Variants in TLN2 observed in about 807,000 individuals in gnomAD.
TLN2 encodes the protein talin 2, also known as talin-2.
In TLN2, 118 loss-of-function variants were observed where a neutral mutation model predicts 294.7. The ratio of observed to expected loss-of-function variants is 0.40; its 90% CI spans 0.34 to 0.47. TLN2 has a LOEUF of 0.47. Among genes scored for constraint, TLN2 ranks in the 20% least tolerant of loss-of-function variants. The pLI is 0.84. For synonymous variants in TLN2, 1,431 were observed against 1,304.5 expected (o/e 1.10, Z -2.09); for missense variants, 3,083 against 3,282.2 (o/e 0.94, Z 1.48).
chr15:62,793,246 A>G (rs1013696684), intron 46 of TLN2, among the ~76,000 whole-genome samples: 3 of 152,200 alleles, frequency 2.0e-5, no homozygotes, highest in African/African-American at 7.2e-5. Context: ...CAGATGAGAC[A>G]GTGAAGTGGG....
chr15:62,409,878 T>C (rs1372143649), intron 1 of TLN2, among the ~76,000 whole-genome samples: 6 of 152,228 alleles, frequency 3.9e-5, no homozygotes. Flanking sequence ...AAATGAATTT[T>C]TTCCCCCTAA....
intron 1 of TLN2, among the ~76,000 whole-genome samples, chr15:62,565,012 TC>T (rs1468468449): frequency 6.6e-6 from 1 of 151,320 alleles, no homozygotes; most frequent in East Asian, 1.9e-4. Flanking sequence ...CCTGCATAAT[TC>T]CCCCAGAGGA....
chr15:62,725,132 G>A (rs759075931), intron 27 of TLN2, 28 bp downstream of exon 27: 10 of 1,588,452 alleles, frequency 6.3e-6, no homozygotes, highest in East Asian at 2.3e-5. Flanking sequence ...GCTGGGGTGC[G>A]GGTGTACCTT....
At chr15:62,820,739 C>G in intron 54 of TLN2, 129 bp downstream of exon 54, 2 of 1,234,398 alleles carry the variant, frequency 1.6e-6, no homozygotes, top group Non-Finnish European at 2.2e-6. Context: ...AGCAGAAAAC[C>G]GGATCTACCT....
chr15:62,796,696 CCTCT>C (rs2065505829), intron 47 of TLN2, among the ~76,000 whole-genome samples: 1 of 152,194 alleles, frequency 6.6e-6, no homozygotes, highest in Non-Finnish European at 1.5e-5. Flanking sequence ...TTGCACTCAG[CCTCT>C]CTATCTGCTG....
intron 1 of TLN2, among the ~76,000 whole-genome samples, chr15:62,556,276 T>A (rs192896347): frequency 3.3e-5 from 5 of 152,066 alleles, no homozygotes; most frequent in Non-Finnish European, 5.9e-5. Context: ...AGAATTTTTT[T>A]AAATGCCATT....
chr15:62,668,004 C>T (rs772134403), intron 9 of TLN2, among the ~76,000 whole-genome samples: 2 of 151,918 alleles, frequency 1.3e-5, no homozygotes, highest in Non-Finnish European at 2.9e-5. Flanking sequence ...TAAAACATAA[C>T]AAAGAACTCA....
intron 45 of TLN2, chr15:62,784,673 A>C (rs1254663462): frequency 1.3e-5 from 2 of 152,268 alleles, no homozygotes; most frequent in Non-Finnish European, 2.9e-5. Flanking sequence ...GGGGAACCAC[A>C]TGGCTTCTTA....
chr15:62,729,097 A>T (rs989538571), intron 28 of TLN2, among the ~76,000 whole-genome samples: 5 of 152,194 alleles, frequency 3.3e-5, no homozygotes, highest in South Asian at 2.1e-4. Context: ...TGAAAAGGCT[A>T]CTTTTTCCCA....
chr15:62,611,693 C>G (rs1306274465), intron 2 of TLN2, among the ~76,000 whole-genome samples: 2 of 152,198 alleles, frequency 1.3e-5, no homozygotes, highest in South Asian at 2.1e-4. Flanking sequence ...ACAAGTTTCT[C>G]AAGCCTTCGG....
At chr15:62,582,366 T>C (rs1023915079) in intron 1 of TLN2, among the ~76,000 whole-genome samples, 2 of 152,096 alleles carry the variant, frequency 1.3e-5, no homozygotes, top group Admixed American at 6.5e-5. Context: ...ACTTAATGTG[T>C]ATAAGAAACT....
intron 1 of TLN2, among the ~76,000 whole-genome samples, chr15:62,522,316 T>C (rs963852239): frequency 6.6e-6 from 1 of 152,100 alleles, no homozygotes; most frequent in Non-Finnish European, 1.5e-5. Flanking sequence ...TGTCAGTAAA[T>C]CCTTTAAAAA....
intron 2 of TLN2, among the ~76,000 whole-genome samples, chr15:62,606,248 A>ATTTTT (rs771750764): frequency 0.21 from 28,012 of 136,226 alleles, 3,232 homozygotes; most frequent in East Asian, 0.39. Context: ...TGCTTGGCTA[A>ATTTTT]TTTTTTTTTT....
intron 41 of TLN2, among the ~76,000 whole-genome samples, chr15:62,768,173 G>C (rs1416297475): frequency 6.6e-6 from 1 of 152,182 alleles, no homozygotes; most frequent in Admixed American, 6.5e-5. Flanking sequence ...AGAAATGCCA[G>C]TTCTCAGACC....
chr15:62,647,488 C>A, intron 4 of TLN2, 42 bp downstream of exon 4: 1 of 1,611,990 alleles, frequency 6.2e-7, no homozygotes. Context: ...AACGTGTTTG[C>A]ATGTTTTTCA....
chr15:62,701,252 G>A lies in TLN2; in HGVS notation c.1696+38G>A, dbSNP rs369426926. 4.1e-6 allele frequency: 6 copies of A among 1,477,280 alleles called. No homozygotes were observed. The African/African-American group carries it at 7.2e-5, about 18-fold the overall frequency. 91.5% of individuals were successfully genotyped at this position (1,477,280 alleles called of 1,614,324 possible). On this transcript the variant is annotated intron_variant, in intron 17 of 58. Coordinates refer to ENST00000636159, the MANE Select transcript of TLN2 (RefSeq NM_015059.3). ...GAGATTTGTGCTGCATTGGGGTTTT[G>A]TTTAAAAGCTGTGTTTTTTTTTTTA...
intron 3 of TLN2, among the ~76,000 whole-genome samples, chr15:62,639,875 A>ATGAGATCAAATGGGATGCCC (rs776105168): frequency 6.0e-4 from 92 of 152,184 alleles, no homozygotes; most frequent in Non-Finnish European, 9.0e-4. Flanking sequence ...TGGACTGACG[A>ATGAGATCAAATGGGATGCCC]TGAGATCAAA....
intron 28 of TLN2, among the ~76,000 whole-genome samples, chr15:62,729,757 T>C (rs1449825191): frequency 1.3e-5 from 2 of 152,148 alleles, no homozygotes; most frequent in Non-Finnish European, 1.5e-5. Flanking sequence ...ATTACTGATA[T>C]GTTGGGGTTC....
chr15:62,392,829 T>C (rs1421072924), intron 1 of TLN2, among the ~76,000 whole-genome samples: 1 of 152,156 alleles, frequency 6.6e-6, no homozygotes, highest in East Asian at 1.9e-4. Flanking sequence ...GTTAGGCAGC[T>C]CTTTCCCTGA....
Sources: gnomAD v4.1 joint callset for allele counts (sites outside exome capture counted in the v4.1 genomes callset) on GRCh38, gnomAD v4.1.1 for gene constraint, MANE v1.5 for transcripts, NCBI Gene and HGNC (gene_info 2026-07-23, HGNC 2026-07-21) for gene names.